The following SLC35F1 variants were observed in gnomAD, a reference collection of about 807,000 sequenced individuals.
SLC35F1 encodes solute carrier family 35 member F1.
A neutral mutation model predicts 48.7 loss-of-function variants in SLC35F1; 14 were observed. That is an observed-to-expected ratio of 0.29 (90% confidence interval 0.19 to 0.45). SLC35F1 has a LOEUF of 0.45. Among genes scored for constraint, SLC35F1 ranks in the 20% least tolerant of loss-of-function variants. The probability of loss-of-function intolerance (pLI) is 1.00; values close to 1 mark genes in which losing one functional copy is unlikely to be tolerated. For synonymous variants in SLC35F1, 190 were observed against 202.2 expected (o/e 0.94, Z 0.51); for missense variants, 404 against 500.0 (o/e 0.81, Z 1.83).
At chr6:118,152,067 A>G (rs1175805356) in intron 1 of SLC35F1, among the ~76,000 whole-genome samples, 1 of 152,206 alleles carries the variant, frequency 6.6e-6, no homozygotes, top group Admixed American at 6.5e-5. Context: ...TAGTTTCAAT[A>G]CAATGAGATA....
intron 2 of SLC35F1, among the ~76,000 whole-genome samples, chr6:118,195,823 C>T (rs1276931436): frequency 1.3e-5 from 2 of 152,154 alleles, no homozygotes; most frequent in East Asian, 3.9e-4. Context: ...AGAGAACTTA[C>T]CCATGATTCC....
At chr6:117,956,689 A>G (rs546270146) in intron 1 of SLC35F1, among the ~76,000 whole-genome samples, 16 of 152,326 alleles carry the variant, frequency 1.1e-4, no homozygotes, top group African/African-American at 3.4e-4. Context: ...TAAAGTGCCT[A>G]CAAGGGAAGC....
intron 2 of SLC35F1, among the ~76,000 whole-genome samples, chr6:118,229,212 C>A (rs763200645): frequency 1.3e-5 from 2 of 152,018 alleles, no homozygotes; most frequent in Non-Finnish European, 2.9e-5. Context: ...GAGCATATGA[C>A]GATTATTTTT....
Position 118,098,872 on chromosome 6 carries a change from A to G in SLC35F1, c.174-55573A>G, listed in dbSNP as rs146395446. Among the ~76,000 whole-genome samples the G allele has an allele frequency of 4.0e-3, 613 of 152,318 alleles. 3 individuals are homozygous for G. The highest frequency in any genetic ancestry group is 0.014 in the African/African-American group (594 of 41,578). The stretch of plus-strand genomic sequence containing the variant: ...AGTAACACACATGAAGAGGAGAAGC[A>G]GAGGGGAGTTCCTTGTCCCCATTCA... On this transcript the variant is annotated intron_variant, in intron 1 of 7. Transcript: ENST00000360388.
intron 1 of SLC35F1, among the ~76,000 whole-genome samples, chr6:118,088,773 C>T (rs1773029511): frequency 1.3e-5 from 2 of 152,138 alleles, no homozygotes; most frequent in African/African-American, 2.4e-5. Flanking sequence ...CTTATCATGC[C>T]ATGCATCATT....
chr6:117,999,944 G>T (rs924621287), intron 1 of SLC35F1, among the ~76,000 whole-genome samples: 2 of 151,916 alleles, frequency 1.3e-5, no homozygotes, highest in African/African-American at 4.8e-5. Flanking sequence ...CTCTGAAATT[G>T]TGGCAATAAT....
chr6:118,314,009 T>A lies in SLC35F1; in HGVS notation c.1003-19T>A, dbSNP rs772688447. 4.3e-5 allele frequency: 69 copies of A among 1,612,604 alleles called. No individual in the cohort carries two copies. Among genetic ancestry groups the A allele is most frequent in the Admixed American group, 6.7e-5 (4 of 60,004 alleles). Reference sequence around the variant, plus strand: ...TTCTGCCCTGGCTGTCAAATGACTTTACTGTTGTGTTTTTTTAGTTTTCAG... The same window carrying A: ...TTCTGCCCTGGCTGTCAAATGACTTAACTGTTGTGTTTTTTTAGTTTTCAG... On this transcript the variant is annotated intron_variant, in intron 7 of 7. Transcript: ENST00000360388.
intron 1 of SLC35F1, among the ~76,000 whole-genome samples, chr6:118,086,153 A>G (rs1772986834): frequency 6.6e-6 from 1 of 152,196 alleles, no homozygotes; most frequent in South Asian, 2.1e-4. Context: ...AGTTTTCTCC[A>G]ATGTAAAAAA....
chr6:118,241,285 G>A (rs1054181838), intron 3 of SLC35F1, among the ~76,000 whole-genome samples: 3 of 152,158 alleles, frequency 2.0e-5, no homozygotes, highest in Non-Finnish European at 4.4e-5. Flanking sequence ...CAAAAACAGA[G>A]ATGTAAACAA....
chr6:118,082,420 A>G (rs1772924690), intron 1 of SLC35F1, among the ~76,000 whole-genome samples: 1 of 152,184 alleles, frequency 6.6e-6, no homozygotes, highest in Admixed American at 6.5e-5. Flanking sequence ...TATGGAACAA[A>G]CAGGCCTGGA....
chr6:118,204,245 A>T (rs1240237620), intron 2 of SLC35F1, among the ~76,000 whole-genome samples: 1 of 150,220 alleles, frequency 6.7e-6, no homozygotes, highest in Non-Finnish European at 1.5e-5. Context: ...GGGATTGAGG[A>T]ACACAGTGGG....
intron 1 of SLC35F1, among the ~76,000 whole-genome samples, chr6:118,078,160 A>T (rs1318941659): frequency 2.6e-5 from 4 of 152,200 alleles, no homozygotes; most frequent in Admixed American, 2.6e-4. Context: ...GATGAGAGAA[A>T]TACTCAAAGT....
intron 1 of SLC35F1, among the ~76,000 whole-genome samples, chr6:117,984,252 G>T (rs925215089): frequency 6.6e-6 from 1 of 151,868 alleles, no homozygotes; most frequent in Non-Finnish European, 1.5e-5. Context: ...ATTTTAAATG[G>T]ATGAAAAAAA....
At chr6:117,928,288 C>T (rs778396554) in intron 1 of SLC35F1, among the ~76,000 whole-genome samples, 11 of 152,076 alleles carry the variant, frequency 7.2e-5, no homozygotes, top group Non-Finnish European at 1.2e-4. Flanking sequence ...TCATGCTGAA[C>T]GTGGAGGAAA....
intron 1 of SLC35F1, among the ~76,000 whole-genome samples, chr6:118,041,658 G>C (rs1255316418): frequency 6.6e-6 from 1 of 152,170 alleles, no homozygotes; most frequent in Non-Finnish European, 1.5e-5. Flanking sequence ...TAAAGAGGGA[G>C]ATAGAGAAAG....
chr6:118,308,510 G>T (rs1776337959), intron 7 of SLC35F1, among the ~76,000 whole-genome samples: 1 of 152,130 alleles, frequency 6.6e-6, no homozygotes, highest in Non-Finnish European at 1.5e-5. Flanking sequence ...GCCAATCACT[G>T]CCAGGTATTT....
chr6:118,041,455 A>G (rs972399325), intron 1 of SLC35F1, among the ~76,000 whole-genome samples: 1 of 152,158 alleles, frequency 6.6e-6, no homozygotes, highest in Admixed American at 6.6e-5. Flanking sequence ...TCATTCAAAT[A>G]ATACTTATTA....
chr6:118,157,660 G>A (rs931757687), intron 2 of SLC35F1, among the ~76,000 whole-genome samples: 1 of 152,148 alleles, frequency 6.6e-6, no homozygotes, highest in Admixed American at 6.5e-5. Context: ...CTTGAAGTCC[G>A]ATGTTTGAGG....
At chr6:118,085,347 CCTGGT>C (rs1246160801) in intron 1 of SLC35F1, among the ~76,000 whole-genome samples, 2 of 152,018 alleles carry the variant, frequency 1.3e-5, no homozygotes, top group Non-Finnish European at 2.9e-5. Context: ...CTTGGATTTT[CCTGGT>C]GCAAACTAAA....
Sources: allele counts gnomAD v4.1 joint callset (sites outside exome capture counted in the v4.1 genomes callset), GRCh38; gene constraint gnomAD v4.1.1; transcripts MANE v1.5; gene names NCBI Gene and HGNC (gene_info 2026-07-23, HGNC 2026-07-21).